The following HTR4 variants were observed in gnomAD, a reference collection of about 807,000 sequenced individuals.
HTR4 encodes 5-hydroxytryptamine receptor 4.
In HTR4, 16 loss-of-function variants were observed where a neutral mutation model predicts 36.8. That is an observed-to-expected ratio of 0.43 (90% CI 0.29 to 0.66). The LOEUF is 0.66. Among genes scored for constraint, HTR4 ranks in the 30% least tolerant of loss-of-function variants. The pLI is 0.13. For missense variants in HTR4, 438 were observed against 490.9 expected, an observed-to-expected ratio of 0.89 and a Z score of 1.02; for synonymous variants, 189 against 185.1, an observed-to-expected ratio of 1.02 and a Z score of -0.17.
chr5:148,631,713 A>G, intron 2 of HTR4, among the ~76,000 whole-genome samples: 1 of 152,118 alleles, frequency 6.6e-6, no homozygotes, highest in South Asian at 2.1e-4. Context: ...TCATTCTTGT[A>G]GTTACATTGA....
At chr5:148,550,296 G>A in intron 2 of HTR4, 34 bp from the exon 3 acceptor site, 1 of 1,609,912 alleles carries the variant, frequency 6.2e-7, no homozygotes, top group South Asian at 1.1e-5. Flanking sequence ...AGAATTGAAT[G>A]AAACTCTGGG....
intron 2 of HTR4, among the ~76,000 whole-genome samples, chr5:148,586,762 G>C (rs1355626199): frequency 1.3e-5 from 2 of 152,094 alleles, no homozygotes; most frequent in Non-Finnish European, 2.9e-5. Context: ...GGCGAAGTTG[G>C]GGGTAAAATC....
At chr5:148,529,855 T>G (rs1263341736) in intron 4 of HTR4, among the ~76,000 whole-genome samples, 1 of 152,188 alleles carries the variant, frequency 6.6e-6, no homozygotes, top group Non-Finnish European at 1.5e-5. Flanking sequence ...TGGTCTCAGA[T>G]AGAGATGAGA....
chr5:148,640,439 A>G (rs771293595), intron 1 of HTR4, among the ~76,000 whole-genome samples: 5 of 152,184 alleles, frequency 3.3e-5, no homozygotes, highest in Admixed American at 6.5e-5. Flanking sequence ...TTTGCTAGAA[A>G]GACTCTGTAT....
At chr5:148,622,164 C>T (rs538271680) in intron 2 of HTR4, among the ~76,000 whole-genome samples, 4 of 152,284 alleles carry the variant, frequency 2.6e-5, no homozygotes, top group South Asian at 2.1e-4. Context: ...GTCCCTAGTA[C>T]ATTTTGAGAA....
chr5:148,615,548 G>A (rs1752631971), intron 2 of HTR4, among the ~76,000 whole-genome samples: 1 of 102,436 alleles, frequency 9.8e-6, no homozygotes, highest in Admixed American at 1.3e-4. Flanking sequence ...GGGGAGGGGG[G>A]AGGGATAGCA....
intron 4 of HTR4, among the ~76,000 whole-genome samples, chr5:148,524,824 T>A (rs1758187454): frequency 6.6e-6 from 1 of 152,194 alleles, no homozygotes; most frequent in South Asian, 2.1e-4. Context: ...ATTCAAAGCC[T>A]AACTAACAAA....
intron 6 of HTR4, among the ~76,000 whole-genome samples, chr5:148,504,562 C>G (rs1757094028): frequency 1.3e-5 from 2 of 151,896 alleles, no homozygotes; most frequent in South Asian, 4.2e-4. Context: ...AAATTGACAC[C>G]CTAACATCAC....
chr5:148,581,880 T>C (rs1249591770), intron 2 of HTR4, among the ~76,000 whole-genome samples: 2 of 152,098 alleles, frequency 1.3e-5, no homozygotes, highest in African/African-American at 2.4e-5. Flanking sequence ...AAAAATGTTT[T>C]TAAGATTTAG....
chr5:148,550,955 C>T (rs910029527), intron 2 of HTR4, among the ~76,000 whole-genome samples: 2 of 152,188 alleles, frequency 1.3e-5, no homozygotes, highest in Admixed American at 6.5e-5. Context: ...CCTATAAAAC[C>T]TGCCACAGCC....
intron 4 of HTR4, among the ~76,000 whole-genome samples, chr5:148,534,771 G>C (rs1033899456): frequency 9.9e-5 from 15 of 151,950 alleles, no homozygotes; most frequent in African/African-American, 2.9e-4. Flanking sequence ...TGACTGCACT[G>C]AGCAATTCCT....
At chr5:148,644,422 G>GTTTTTTTTTTTTTTTTTTTTTTTTTTTTT (rs1175588280) in intron 1 of HTR4, among the ~76,000 whole-genome samples, 1 of 40,616 alleles carries the variant, frequency 2.5e-5, no homozygotes, top group African/African-American at 1.1e-4. Flanking sequence ...AAGCTCACAA[G>GTTTTTTTTTTTTTTTTTTTTTTTTTTTTT]TTTTTTTTTT....
chr5:148,532,823 T>C (rs1264042722), intron 4 of HTR4, among the ~76,000 whole-genome samples: 1 of 152,234 alleles, frequency 6.6e-6, no homozygotes, highest in Non-Finnish European at 1.5e-5. Context: ...TTGTATCATC[T>C]GTCAGAATCA....
intron 2 of HTR4, among the ~76,000 whole-genome samples, chr5:148,604,332 G>T (rs926729497): frequency 5.3e-5 from 8 of 151,978 alleles, no homozygotes; most frequent in Non-Finnish European, 1.2e-4. Context: ...CAATTCAACA[G>T]TAAAATGAAC....
At chr5:148,593,670 T>C (rs1761661537) in intron 2 of HTR4, among the ~76,000 whole-genome samples, 1 of 152,194 alleles carries the variant, frequency 6.6e-6, no homozygotes, top group Non-Finnish European at 1.5e-5. Flanking sequence ...TGAATTGATA[T>C]TTTAAAAATT....
At chr5:148,459,906 A>T (rs950046461) in intron 5 of HTR4, among the ~76,000 whole-genome samples, 1 of 152,178 alleles carries the variant, frequency 6.6e-6, no homozygotes, top group African/African-American at 2.4e-5. Context: ...AAAGTAGATG[A>T]CATGCAAGAA....
chr5:148,564,850 G>T (rs548271131), intron 2 of HTR4, among the ~76,000 whole-genome samples: 1 of 152,108 alleles, frequency 6.6e-6, no homozygotes, highest in African/African-American at 2.4e-5. Flanking sequence ...GGTGGCTCAC[G>T]CCTGTAATCC....
intron 2 of HTR4, among the ~76,000 whole-genome samples, chr5:148,600,428 G>A (rs1306109976): frequency 2.0e-5 from 3 of 149,590 alleles, no homozygotes. Flanking sequence ...ATTTCAACAG[G>A]ACTGATAGGG....
intron 5 of HTR4, among the ~76,000 whole-genome samples, chr5:148,516,482 G>T (rs1757762320): frequency 6.6e-6 from 1 of 151,798 alleles, no homozygotes; most frequent in Non-Finnish European, 1.5e-5. Flanking sequence ...ACCATGCCTG[G>T]CTAATTTTTG....
Sources: gnomAD v4.1 joint callset for allele counts (sites outside exome capture counted in the v4.1 genomes callset) on GRCh38, gnomAD v4.1.1 for gene constraint, MANE v1.5 for transcripts, NCBI Gene and HGNC (gene_info 2026-07-23, HGNC 2026-07-21) for gene names.